OPCML: variants seen among roughly 807,000 people sequenced by gnomAD.
OPCML encodes the protein opioid-binding protein/cell adhesion molecule.
OPCML carries 13 observed loss-of-function variants against 37.8 expected under a neutral mutation model. That is an observed-to-expected ratio of 0.34 (90% CI 0.22 to 0.55). The LOEUF (loss-of-function observed/expected upper bound fraction) is 0.55. OPCML is among the 20% of genes least tolerant of loss of function. OPCML has a pLI of 0.91. For missense variants in OPCML, 341 were observed against 435.6 expected (o/e 0.78, Z 1.93); for synonymous variants, 176 against 168.8 (o/e 1.04, Z -0.33).
chr11:132,680,846 A>C (rs79184031), intron 2 of OPCML, among the ~76,000 whole-genome samples: 3,507 of 152,264 alleles, frequency 0.023, 143 homozygotes, highest in African/African-American at 0.08. Flanking sequence ...CCTGCATGTG[A>C]AGAATTCAGC....
At chr11:133,405,424 G>A (rs1945503527) in intron 1 of OPCML, among the ~76,000 whole-genome samples, 1 of 152,210 alleles carries the variant, frequency 6.6e-6, no homozygotes, top group African/African-American at 2.4e-5. Flanking sequence ...TGGGTTACAA[G>A]TAGATTTGGG....
chr11:132,857,450 T>A, intron 2 of OPCML, among the ~76,000 whole-genome samples: 1 of 152,230 alleles, frequency 6.6e-6, no homozygotes. Context: ...TTGCAACTAC[T>A]TTTTAAGAAA....
intron 1 of OPCML, among the ~76,000 whole-genome samples, chr11:132,958,952 C>T (rs1205364147): frequency 6.6e-6 from 1 of 152,178 alleles, no homozygotes; most frequent in East Asian, 1.9e-4. Flanking sequence ...GCCCATGAAT[C>T]AAAAACAAAT....
chr11:132,773,274 G>C (rs551113063), intron 2 of OPCML: 1 of 152,262 alleles, frequency 6.6e-6, no homozygotes, highest in South Asian at 2.1e-4. Flanking sequence ...CAGCCACCCT[G>C]CTAATACCCG....
In OPCML at chr11:133,469,770, GA is replaced by G. The variant is rs539665228; in HGVS notation, c.61+62493del. Among the ~76,000 whole-genome samples, 631 of 152,148 alleles carry G rather than the reference GA, an allele frequency of 4.1e-3. 4 individuals are homozygous for G. The highest frequency in any genetic ancestry group is 0.014 in the African/African-American group (574 of 41,482). ...TCAAGTGCTCCTCCGACTATTTTAT[GA>G]AAAACCCCCAGGTTTTTATAGATCC... On this transcript the variant is annotated intron_variant, in intron 1 of 7. Transcript: ENST00000524381.
intron 1 of OPCML, among the ~76,000 whole-genome samples, chr11:133,129,092 T>C (rs1403057334): frequency 2.0e-4 from 31 of 151,790 alleles, no homozygotes; most frequent in Admixed American, 2.0e-3. Context: ...GGGAAACAGG[T>C]GGGAACTGAA....
chr11:132,450,377 C>T (rs1016666719), intron 4 of OPCML, among the ~76,000 whole-genome samples: 6 of 152,282 alleles, frequency 3.9e-5, no homozygotes, highest in East Asian at 1.9e-4. Flanking sequence ...ACTGCAGGAT[C>T]GTGGATAGAA....
At chr11:132,451,118 T>A (rs975112365) in intron 4 of OPCML, among the ~76,000 whole-genome samples, 3 of 152,082 alleles carry the variant, frequency 2.0e-5, no homozygotes, top group Admixed American at 6.5e-5. Context: ...CAGAAGGCAA[T>A]TCATCTTGAG....
intron 3 of OPCML, among the ~76,000 whole-genome samples, chr11:132,606,309 A>G (rs1158673109): frequency 3.3e-5 from 5 of 152,142 alleles, no homozygotes; most frequent in Non-Finnish European, 5.9e-5. Context: ...TAGCAGCCCC[A>G]GGAACTGCCT....
chr11:132,921,286 C>T (rs923916163), intron 2 of OPCML, among the ~76,000 whole-genome samples: 2 of 152,282 alleles, frequency 1.3e-5, no homozygotes, highest in Non-Finnish European at 1.5e-5. Context: ...GGTAAGGCCA[C>T]GACGCAGTGA....
At chr11:133,259,481 T>C (rs1443085993) in intron 1 of OPCML, among the ~76,000 whole-genome samples, 1 of 152,190 alleles carries the variant, frequency 6.6e-6, no homozygotes, top group Non-Finnish European at 1.5e-5. Flanking sequence ...CAGAACAGTA[T>C]ATTTCTTCTT....
chr11:132,737,558 T>G (rs1945300016), intron 2 of OPCML, among the ~76,000 whole-genome samples: 1 of 152,212 alleles, frequency 6.6e-6, no homozygotes, highest in Non-Finnish European at 1.5e-5. Flanking sequence ...CTTCATAATT[T>G]CTATTTAAAA....
intron 3 of OPCML, among the ~76,000 whole-genome samples, chr11:132,582,856 T>TTG (rs2096464980): frequency 2.0e-5 from 3 of 148,682 alleles, no homozygotes; most frequent in African/African-American, 7.4e-5. Context: ...GTTTTTTTTT[T>TTG]TTTTTTTTTT....
intron 2 of OPCML, among the ~76,000 whole-genome samples, chr11:132,719,932 T>C (rs1944621414): frequency 5.9e-5 from 9 of 152,264 alleles, no homozygotes; most frequent in Admixed American, 5.2e-4. Context: ...AGATGTCTCA[T>C]GTGCGAAACC....
chr11:133,277,471 T>C (rs932863232), intron 1 of OPCML, among the ~76,000 whole-genome samples: 2 of 152,156 alleles, frequency 1.3e-5, no homozygotes, highest in East Asian at 3.9e-4. Flanking sequence ...TTTGGGTTTC[T>C]TCCAGACGAA....
At chr11:133,193,253 C>G (rs944026568) in intron 1 of OPCML, among the ~76,000 whole-genome samples, 2 of 152,102 alleles carry the variant, frequency 1.3e-5, no homozygotes, top group Non-Finnish European at 2.9e-5. Flanking sequence ...AAAAAAAAGT[C>G]AGATCCTAGG....
At chr11:133,143,262 A>C (rs1227567986) in intron 1 of OPCML, among the ~76,000 whole-genome samples, 1 of 152,202 alleles carries the variant, frequency 6.6e-6, no homozygotes, top group African/African-American at 2.4e-5. Context: ...GGCACACAGA[A>C]ACTACCTTCA....
chr11:132,894,725 T>C (rs913006200), intron 2 of OPCML, among the ~76,000 whole-genome samples: 2 of 152,172 alleles, frequency 1.3e-5, no homozygotes, highest in African/African-American at 4.8e-5. Context: ...AATAGGTTTC[T>C]TTCCTGGAGC....
chr11:133,086,116 G>A (rs1263228117), intron 1 of OPCML, among the ~76,000 whole-genome samples: 2 of 152,156 alleles, frequency 1.3e-5, no homozygotes, highest in Non-Finnish European at 2.9e-5. Flanking sequence ...CAGATCCAAA[G>A]GTGATAATTC....
Sources: allele counts gnomAD v4.1 joint callset (sites outside exome capture counted in the v4.1 genomes callset), GRCh38; gene constraint gnomAD v4.1.1; transcripts MANE v1.5; gene names NCBI Gene and HGNC (gene_info 2026-07-23, HGNC 2026-07-21).